The following SLC24A4 variants were observed in gnomAD, a reference collection of about 807,000 sequenced individuals.
SLC24A4 encodes the protein solute carrier family 24 member 4.
A neutral mutation model predicts 79.0 loss-of-function variants in SLC24A4; 53 were observed. That is an observed-to-expected ratio of 0.67 (90% CI 0.54 to 0.84). The LOEUF (loss-of-function observed/expected upper bound fraction) is 0.84. SLC24A4 is among the 40% of genes least tolerant of loss of function. The pLI, the probability that SLC24A4 is intolerant of heterozygous loss-of-function variation, is 0.00. For missense variants in SLC24A4, 731 were observed against 822.0 expected (o/e 0.89, Z 1.35); for synonymous variants, 323 against 323.8 (o/e 1.00, Z 0.03).
chr14:92,432,677 T>A (rs999190371), intron 2 of SLC24A4, among the ~76,000 whole-genome samples: 2 of 152,208 alleles, frequency 1.3e-5, no homozygotes, highest in African/African-American at 2.4e-5. Context: ...AGCGAAAGAA[T>A]CTATTTTTCG....
chr14:92,364,961 C>A (rs1222150419), intron 2 of SLC24A4, among the ~76,000 whole-genome samples: 1 of 152,250 alleles, frequency 6.6e-6, no homozygotes, highest in Admixed American at 6.5e-5. Flanking sequence ...CTTCCTCCTG[C>A]CTTGCCCCTG....
At position 92,462,814 on chromosome 14, in the gene SLC24A4, T is replaced by A. The variant is rs565607151; in HGVS notation, c.1255+6206T>A. The A allele has an allele frequency of 2.6e-5, 4 of 152,444 alleles. No individual in the cohort carries two copies. The East Asian group carries it at 7.7e-4, about 29-fold the overall frequency. The allele number at this position is 152,444 out of a possible 1,614,324, so 9.4% of individuals were successfully genotyped here. ...AAACTGAGGCACAGAGAGGCTGAGT[T>A]GCCCAGGGTCATACAGGAGGAAGGG... is the stretch of plus-strand genomic sequence containing the variant. On this transcript the variant is annotated intron_variant, in intron 12 of 16. Coordinates refer to ENST00000532405, the MANE Select transcript of SLC24A4 (RefSeq NM_153646.4).
intron 14 of SLC24A4, among the ~76,000 whole-genome samples, chr14:92,487,965 TTCCTCCTCCTGC>T (rs776023019): frequency 6.8e-4 from 104 of 151,860 alleles, no homozygotes; most frequent in South Asian, 1.2e-3. Flanking sequence ...CTGTGTCGAC[TTCCTCCTCCTGC>T]TCCTCCTCCT....
chr14:92,403,616 A>G (rs1228191726), intron 2 of SLC24A4, among the ~76,000 whole-genome samples: 1 of 151,846 alleles, frequency 6.6e-6, no homozygotes, highest in Non-Finnish European at 1.5e-5. Context: ...TAAAAAAAAA[A>G]AAAAAAGCTC....
intron 2 of SLC24A4, among the ~76,000 whole-genome samples, chr14:92,367,759 G>A (rs528611943): frequency 7.9e-5 from 12 of 152,350 alleles, no homozygotes; most frequent in African/African-American, 2.6e-4. Flanking sequence ...CTGTCTGCCC[G>A]TGAGGGGCTT....
intron 2 of SLC24A4, among the ~76,000 whole-genome samples, chr14:92,370,027 A>G (rs1888064010): frequency 6.6e-6 from 1 of 152,266 alleles, no homozygotes; most frequent in Non-Finnish European, 1.5e-5. Flanking sequence ...GAAAGTAACT[A>G]TGGTAAGTAT....
intron 12 of SLC24A4, among the ~76,000 whole-genome samples, chr14:92,465,555 C>T (rs866548248): frequency 5.9e-5 from 9 of 152,240 alleles, no homozygotes; most frequent in African/African-American, 9.6e-5. Context: ...TTCCTGGGAT[C>T]GGCACCAGCC....
Position 92,410,969 on chromosome 14 carries a change from G to A in SLC24A4, c.242-22943G>A, listed in dbSNP as rs947379941. Reference sequence around the variant, plus strand: ...ACCTGCCTGATGCATATACCCGTGGGAAGTGTGTTCATGTCATGTTCTTTC... The same window carrying A: ...ACCTGCCTGATGCATATACCCGTGGAAAGTGTGTTCATGTCATGTTCTTTC... On this transcript the variant is annotated intron_variant, in intron 2 of 16. Coordinates refer to ENST00000532405, the MANE Select transcript of SLC24A4 (RefSeq NM_153646.4). 7.2e-5 allele frequency among the ~76,000 whole-genome samples: 11 copies of A among 152,212 alleles called. 1 individual carries two copies. In the South Asian group the frequency reaches 1.2e-3, roughly 17 times the overall value.
At chr14:92,333,234 C>T (rs763444291) in intron 2 of SLC24A4, among the ~76,000 whole-genome samples, 50 of 152,242 alleles carry the variant, frequency 3.3e-4, no homozygotes, top group Admixed American at 1.8e-3. Flanking sequence ...GCTGGGATTA[C>T]AGGCGCCCAC....
chr14:92,331,025 G>A (rs1885448172), intron 2 of SLC24A4, among the ~76,000 whole-genome samples: 3 of 152,160 alleles, frequency 2.0e-5, no homozygotes, highest in African/African-American at 4.8e-5. Context: ...GACACCAGGG[G>A]GACTTGAAAA....
intron 2 of SLC24A4, among the ~76,000 whole-genome samples, chr14:92,365,796 T>G (rs1887803350): frequency 6.6e-6 from 1 of 152,186 alleles, no homozygotes; most frequent in Non-Finnish European, 1.5e-5. Flanking sequence ...CTTACAAGAC[T>G]TGAGAAGACT....
rs376749805 is a variant in SLC24A4, at chr14:92,408,878, CTTTCA to C, written c.242-25028_242-25024del. On this transcript the variant is annotated intron_variant, in intron 2 of 16. Coordinates refer to ENST00000532405, the MANE Select transcript of SLC24A4 (RefSeq NM_153646.4). ...TCCTTTCCTCAGTGGTTGTGGGGAACTTTCATTTCAGTATCTGTGAATTACAAGTT... is the reference window on the plus strand; with the variant it reads ...TCCTTTCCTCAGTGGTTGTGGGGAACTTTCAGTATCTGTGAATTACAAGTT... Among the ~76,000 whole-genome samples, 504 of 152,264 alleles carry C rather than the reference CTTTCA, an allele frequency of 3.3e-3. 1 individual carries two copies. The highest frequency in any genetic ancestry group is 0.012 in the African/African-American group (481 of 41,540).
intron 2 of SLC24A4, among the ~76,000 whole-genome samples, chr14:92,365,433 G>A (rs1486346298): frequency 6.6e-6 from 1 of 152,222 alleles, no homozygotes; most frequent in Non-Finnish European, 1.5e-5. Context: ...GGTGGGGCCA[G>A]CCCAGGAGGG....
In SLC24A4 at chr14:92,393,228, T is replaced by G. The variant is rs577527266; in HGVS notation, c.242-40684T>G. 1.1e-4 allele frequency among the ~76,000 whole-genome samples: 16 copies of G among 152,364 alleles called. No homozygotes were observed. In the East Asian group the frequency reaches 3.1e-3, roughly 29 times the overall value. Reference sequence around the variant, plus strand: ...TGTAAATCACCCAGCCTAAGGTATTTGGTTAAAGCAGTGGGAACAGACCAG... The same window carrying G: ...TGTAAATCACCCAGCCTAAGGTATTGGGTTAAAGCAGTGGGAACAGACCAG... On this transcript the variant is annotated intron_variant, in intron 2 of 16. Transcript: ENST00000532405.
At chr14:92,372,139 T>A (rs1290673081) in intron 2 of SLC24A4, among the ~76,000 whole-genome samples, 1 of 152,190 alleles carries the variant, frequency 6.6e-6, no homozygotes, top group African/African-American at 2.4e-5. Flanking sequence ...TTGAAGGGGT[T>A]GTTGGGAGAG....
intron 2 of SLC24A4, among the ~76,000 whole-genome samples, chr14:92,344,610 C>T (rs753798906): frequency 1.7e-4 from 26 of 151,968 alleles, no homozygotes; most frequent in Non-Finnish European, 3.7e-4. Context: ...ATCTTAGGAC[C>T]GAGAATGGAA....
intron 12 of SLC24A4, among the ~76,000 whole-genome samples, chr14:92,480,248 TAAG>T (rs1894980667): frequency 6.7e-6 from 1 of 149,870 alleles, no homozygotes; most frequent in Admixed American, 6.6e-5. Context: ...TTATTTTTCT[TAAG>T]GAGAAAGGTT....
intron 2 of SLC24A4, among the ~76,000 whole-genome samples, chr14:92,349,559 G>T (rs935414876): frequency 3.9e-5 from 6 of 152,172 alleles, no homozygotes; most frequent in African/African-American, 1.4e-4. Context: ...AACACAGACA[G>T]ATTTTATATG....
rs1008562889 is a variant in SLC24A4 at position 92,484,741 on chromosome 14, T to C, written c.1422+1895T>C. 21 of 985,198 alleles carry C rather than the reference T, an allele frequency of 2.1e-5. No individual in the cohort carries two copies. In the African/African-American group the frequency reaches 3.1e-4, roughly 15 times the overall value. 61.0% of individuals were successfully genotyped at this position (985,198 alleles called of 1,614,324 possible). A position where few individuals can be genotyped will look rare whatever the true frequency, so the allele number is the denominator to read the frequency against. On this transcript the variant is annotated intron_variant, in intron 13 of 16. Transcript: ENST00000532405. Reference sequence around the variant, plus strand: ...CCTCATTCATGTCCCTCCTGACCACTCCCTTTCACACCCTACTCCCAGCCC... The same window carrying C: ...CCTCATTCATGTCCCTCCTGACCACCCCCTTTCACACCCTACTCCCAGCCC...
Sources: gnomAD v4.1 joint callset for allele counts (sites outside exome capture counted in the v4.1 genomes callset) on GRCh38, gnomAD v4.1.1 for gene constraint, MANE v1.5 for transcripts, NCBI Gene and HGNC (gene_info 2026-07-23, HGNC 2026-07-21) for gene names.